DNAH1: variants seen among roughly 807,000 people sequenced by gnomAD.
DNAH1 encodes dynein axonemal heavy chain 1.
Under a neutral mutation model 484.3 loss-of-function variants are expected in DNAH1, and 327 were observed. The ratio of observed to expected loss-of-function variants is 0.68; its 90% CI spans 0.62 to 0.74. DNAH1 has a LOEUF of 0.74. Ranked by LOEUF, DNAH1 falls within the 30% of genes least tolerant of loss-of-function variation. DNAH1 has a pLI of 0.00. For synonymous variants in DNAH1, 2,192 were observed against 2,191.9 expected (o/e 1.00, Z 0.00); for missense variants, 5,052 against 5,546.8 (o/e 0.91, Z 2.83).
chr3:52,327,903 G>T lies in DNAH1; in HGVS notation c.760G>T (p.Asp254Tyr). The T allele has an allele frequency of 6.2e-7, 1 of 1,613,812 alleles. No individual in the cohort carries two copies. Among genetic ancestry groups the T allele is most frequent in the South Asian group, 1.1e-5 (1 of 91,086 alleles). ...PLKVFDNEDF[D>Y]CRTPREWINM... ...CCAGGTATTTGACAATGAGGACTTT[G>T]ACTGCCGGACTCCCAGAGAGTGGAT... Residue 254 changes from aspartate to tyrosine, a missense_variant, in exon 6 of 78, where the codon GAC becomes TAC. Physicochemically the swap from Asp to Tyr is radical, Grantham distance 160 (BLOSUM62 -3). Around this residue, in one of 4 missense-constraint regions of DNAH1, gnomAD observed 1,263 missense variants for 1,218.8 expected, o/e 1.04. Transcript: ENST00000420323.
Position 52,358,601 on chromosome 3 carries a change from C to T in DNAH1, c.4130C>T (p.Ala1377Val). 6.2e-7 allele frequency: 1 copy of T among 1,612,976 alleles called. No homozygotes were observed. The highest frequency in any genetic ancestry group is 8.5e-7 in the Non-Finnish European group (1 of 1,179,638). ...CTGGAGATCACGCACATGTACTCAG[C>T]CGAGGGGGAGGAGGTACAGTTGTGC... ...EDLEITHMYS[A>V]EGEEVQLCFS... Residue 1377 changes from alanine (A) to valine (V), a missense_variant, in exon 25 of 78, where the codon GCC becomes GTC. Ala to Val is a moderately conservative substitution (Grantham distance 64, BLOSUM62 0). Around this residue, in one of 4 missense-constraint regions of DNAH1, gnomAD observed 2,929 missense variants for 3,409.4 expected, o/e 0.86. Coordinates refer to ENST00000420323, the MANE Select transcript of DNAH1 (RefSeq NM_015512.5). The surrounding 1 kb of genome is among the most constrained non-coding windows in gnomAD (Gnocchi z 4.2).
In DNAH1 at chr3:52,395,465, A is replaced by G. The variant is rs773011742; in HGVS notation, c.11126A>G (p.Gln3709Arg). ...TCTGCCATCTCCCTGGGCCAGGGGC[A>G]GGTCAGGGCTAGGCAGGGAGGAAGG... is the stretch of plus-strand genomic sequence containing the variant. ...KLSAISLGQG[Q>R]GPRAEAMMRS... The change falls in exon 69 of 78, where the codon CAG becomes CGG. Residue 3709 changes from glutamine (Q) to arginine (R), a missense_variant and splice_region_variant. Gln to Arg is a conservative substitution (Grantham distance 43). Transcript: ENST00000420323. The surrounding 1 kb of genome is among the most constrained non-coding windows in gnomAD (Gnocchi z 4.4). 1 of 1,613,908 alleles carries G rather than the reference A, an allele frequency of 6.2e-7. No homozygotes were observed. The highest frequency in any genetic ancestry group is 1.1e-5 in the South Asian group (1 of 91,092).
intron 8 of DNAH1, among the ~76,000 whole-genome samples, chr3:52,337,807 T>C (rs771676054): frequency 2.4e-4 from 37 of 152,208 alleles, no homozygotes; most frequent in Non-Finnish European, 4.4e-5. Context: ...TTTGTTTTGT[T>C]TTGAGACAGG....
intron 1 of DNAH1, among the ~76,000 whole-genome samples, chr3:52,318,931 C>T (rs1398891543): frequency 6.6e-6 from 1 of 152,202 alleles, no homozygotes; most frequent in Admixed American, 6.5e-5. Flanking sequence ...CTTGTTGAAT[C>T]GGGTGAGTGG....
chr3:52,344,680 G>A (rs1416065887), intron 9 of DNAH1, 33 bp downstream of exon 9: 1 of 1,598,016 alleles, frequency 6.3e-7, no homozygotes. Flanking sequence ...GGGCTCCATG[G>A]CCATCCACCT....
intron 56 of DNAH1, among the ~76,000 whole-genome samples, chr3:52,387,688 C>T (rs1704169122): frequency 6.6e-6 from 1 of 152,202 alleles, no homozygotes; most frequent in African/African-American, 2.4e-5. Flanking sequence ...GCTCTGACCC[C>T]TGGGAGCTCG....
At chr3:52,370,691 C>T (rs1226790848) in intron 40 of DNAH1, 27 bp from the exon 41 acceptor site, 1 of 1,596,186 alleles carries the variant, frequency 6.3e-7, no homozygotes, top group Non-Finnish European at 8.5e-7. Flanking sequence ...GGCCTCACAG[C>T]CTGCTTCTCC....
Position 52,346,562 on chromosome 3 carries a change from C to G in DNAH1, c.1747C>G (p.Leu583Val). ...CGACATGAGCAAGGGCTGGTACAAC[C>G]TCTACGAGACCAACTGGGAGGTGTA... is the stretch of plus-strand genomic sequence containing the variant. ...LRDMSKGWYN[L>V]YETNWEVYLM... Residue 583 changes from leucine to valine, a missense_variant, in exon 11 of 78, where the codon CTC (leucine) becomes GTC (valine). Leu to Val is a conservative substitution (Grantham distance 32, BLOSUM62 1). This residue lies in a region of DNAH1 where 1,263 missense variants were observed against 1,218.8 expected (regional missense o/e 1.04). Transcript: ENST00000420323. 1 of 1,614,054 alleles carries G rather than the reference C, an allele frequency of 6.2e-7. No individual in the cohort carries two copies. Among genetic ancestry groups the G allele is most frequent in the South Asian group, 1.1e-5 (1 of 91,084 alleles).
At chr3:52,360,234 C>T (rs1702798039) in intron 27 of DNAH1, 77 bp from the exon 28 acceptor site, 7 of 1,507,500 alleles carry the variant, frequency 4.6e-6, no homozygotes, top group East Asian at 4.5e-5. Context: ...CCAAAAAGAA[C>T]CCTCTCTCCT....
intron 28 of DNAH1, 31 bp downstream of exon 28, chr3:52,360,455 C>A: frequency 1.3e-6 from 2 of 1,563,528 alleles, no homozygotes; most frequent in Non-Finnish European, 8.8e-7. Context: ...CCTTCCCACA[C>A]TGAGACCCTC....
In DNAH1 at chr3:52,398,018, C is replaced by T. The variant is rs1434463203; in HGVS notation, c.11959-14C>T. 5 of 1,611,606 alleles carry T rather than the reference C, an allele frequency of 3.1e-6. No individual in the cohort carries two copies. The highest frequency in any genetic ancestry group is 2.2e-5 in the East Asian group (1 of 44,882). On this transcript the variant is annotated splice_polypyrimidine_tract_variant and intron_variant, in intron 74 of 77. Coordinates refer to ENST00000420323, the MANE Select transcript of DNAH1 (RefSeq NM_015512.5). Reference sequence around the variant, plus strand: ...GCCCAGCCTTGACCCCACAGTATTCCTTTGCCCCTGCAGATAGTGGAGGAC... The same window carrying T: ...GCCCAGCCTTGACCCCACAGTATTCTTTTGCCCCTGCAGATAGTGGAGGAC...
In DNAH1 at chr3:52,399,140, C is replaced by T. The variant is rs548795920; in HGVS notation, c.12380C>T (p.Thr4127Ile). 3.7e-6 allele frequency: 6 copies of T among 1,613,828 alleles called. No homozygotes were observed. The African/African-American group carries it at 4.0e-5, about 11-fold the overall frequency. The change falls in exon 76 of 78, where the codon ACT (threonine) becomes ATT (isoleucine). Residue 4127 changes from threonine (T) to isoleucine (I), a missense_variant. By Grantham distance (89) the Thr-to-Ile change is moderately conservative. Around this residue, in one of 4 missense-constraint regions of DNAH1, gnomAD observed 853 missense variants for 899.0 expected, o/e 0.95. Transcript: ENST00000420323. ...TTCCCCCAGGCTTTCTTAACAGGCA[C>T]TCTGCAGAATTTTGCCCGCAAATTT... ...FFFPQAFLTG[T>I]LQNFARKFVI...
At position 52,370,713 on chromosome 3, in the gene DNAH1, G is replaced by T; in HGVS notation, c.6418-5G>T. 1 of 1,598,524 alleles carries T rather than the reference G, an allele frequency of 6.3e-7. No individual in the cohort carries two copies. Among genetic ancestry groups the T allele is most frequent in the Non-Finnish European group, 8.5e-7 (1 of 1,172,930 alleles). On this transcript the variant is annotated splice_polypyrimidine_tract_variant and splice_region_variant and intron_variant, in intron 40 of 77. Transcript: ENST00000420323. ...CAGCCTGCTTCTCCTCCTGGTTCCCGGCAGCTGACTCTGCTTTTCCCAGAA... is the reference window on the plus strand; with the variant it reads ...CAGCCTGCTTCTCCTCCTGGTTCCCTGCAGCTGACTCTGCTTTTCCCAGAA...
intron 44 of DNAH1, chr3:52,374,087 C>T (rs1295099817): frequency 2.9e-6 from 3 of 1,051,042 alleles, no homozygotes; most frequent in Non-Finnish European, 4.5e-6. Context: ...TGAAGATCCT[C>T]AGGAGAGAGA....
rs1281521120 is a variant in DNAH1, at chr3:52,399,435, A to C, written c.12442-110A>C. 3 of 1,052,964 alleles carry C rather than the reference A, an allele frequency of 2.8e-6. No individual in the cohort carries two copies. The East Asian group carries it at 7.7e-5, about 27-fold the overall frequency. 65.2% of individuals were successfully genotyped at this position (1,052,964 alleles called of 1,614,324 possible). On this transcript the variant is annotated intron_variant, in intron 76 of 77. Coordinates refer to ENST00000420323, the MANE Select transcript of DNAH1 (RefSeq NM_015512.5). ...GGGCTAAAGTGGTAGGTACGTGATG[A>C]TGGGCAGGCAGGCAGCATTAGGCAG...
Position 52,391,074 on chromosome 3 carries a change from A to G in DNAH1, c.9741+20A>G. 3.8e-6 allele frequency: 6 copies of G among 1,579,694 alleles called. No homozygotes were observed. Among genetic ancestry groups the G allele is most frequent in the South Asian group, 1.2e-5 (1 of 86,682 alleles). On this transcript the variant is annotated intron_variant, in intron 61 of 77. Transcript: ENST00000420323. ...AACATGGTGAGCCCACCCACCAGGCACCACCACCCCACCCCAGCCAGGCAT... is the reference window on the plus strand; with the variant it reads ...AACATGGTGAGCCCACCCACCAGGCGCCACCACCCCACCCCAGCCAGGCAT...
chr3:52,356,547 T>C, intron 21 of DNAH1, 67 bp from the exon 22 acceptor site: 1 of 1,550,820 alleles, frequency 6.4e-7, no homozygotes, highest in Non-Finnish European at 8.8e-7. Flanking sequence ...TCCCAGTCAT[T>C]GGGACAAACC....
intron 66 of DNAH1, 95 bp from the exon 67 acceptor site, chr3:52,394,370 T>G: frequency 8.4e-7 from 1 of 1,194,214 alleles, no homozygotes; most frequent in Non-Finnish European, 1.2e-6. Context: ...TTTCTCCAGG[T>G]GAGGGTGGTT....
intron 38 of DNAH1, 25 bp downstream of exon 38, chr3:52,370,044 G>C: frequency 6.2e-7 from 1 of 1,613,418 alleles, no homozygotes. Flanking sequence ...GGGTATGTCT[G>C]ACCCTGGCAG....
Sources: allele counts gnomAD v4.1 joint callset (sites outside exome capture counted in the v4.1 genomes callset), GRCh38; gene constraint gnomAD v4.1.1; regional missense constraint gnomAD v4.1.1; non-coding constraint Gnocchi (gnomAD v3.1); transcripts MANE v1.5; gene names NCBI Gene and HGNC (gene_info 2026-07-23, HGNC 2026-07-21).